The following APBA1 variants were observed in gnomAD, a reference collection of about 807,000 sequenced individuals.
APBA1 encodes the protein amyloid-beta A4 precursor protein-binding family A member 1.
APBA1 carries 55 observed loss-of-function variants against 86.6 expected under a neutral mutation model. The ratio of observed to expected loss-of-function variants is 0.64; its 90% CI spans 0.51 to 0.80. APBA1 has a LOEUF of 0.80. APBA1 is among the 30% of genes least tolerant of loss of function. APBA1 has a pLI of 0.00. For missense variants in APBA1, 1,090 were observed against 1,183.0 expected (o/e 0.92, Z 1.15); for synonymous variants, 511 against 493.9 (o/e 1.03, Z -0.46).
intron 9 of APBA1, among the ~76,000 whole-genome samples, chr9:69,451,046 T>C (rs755990087): frequency 6.6e-6 from 1 of 152,238 alleles, no homozygotes; most frequent in Non-Finnish European, 1.5e-5. Context: ...ACCCAGTCCA[T>C]GGTACTTTGT....
chr9:69,521,304 A>C (rs908650571), intron 1 of APBA1, among the ~76,000 whole-genome samples: 1 of 152,206 alleles, frequency 6.6e-6, no homozygotes, highest in Non-Finnish European at 1.5e-5. Flanking sequence ...CGCACCCTGC[A>C]TTCTAACAGC....
chr9:69,495,535 C>T (rs1835780501), intron 2 of APBA1, among the ~76,000 whole-genome samples: 1 of 152,060 alleles, frequency 6.6e-6, no homozygotes, highest in Non-Finnish European at 1.5e-5. Context: ...ATGTGACCAC[C>T]TCCCAGGGTG....
rs776865087 is a variant in APBA1 at position 69,432,630 on chromosome 9, C to T, written c.2348G>A (p.Arg783His). Residue 783 changes from arginine to histidine, a missense_variant, in exon 12 of 13, where the codon CGT (arginine) becomes CAT (histidine). Coordinates refer to ENST00000265381, the MANE Select transcript of APBA1 (RefSeq NM_001163.4). ...RGGIAERGGVRVGHRIIEING... is the reference protein window; with the variant it reads ...RGGIAERGGVHVGHRIIEING... ...GATTTCAATGATCCGGTGCCCCACA[C>T]GGACGCCTCCTCTCTCAGCTATTCC... is the stretch of plus-strand genomic sequence containing the variant. 3.7e-6 allele frequency: 6 copies of T among 1,604,776 alleles called. No homozygotes were observed. The highest frequency in any genetic ancestry group is 1.1e-5 in the South Asian group (1 of 89,818).
intron 1 of APBA1, among the ~76,000 whole-genome samples, chr9:69,621,601 A>T (rs1054425439): frequency 1.3e-5 from 2 of 152,208 alleles, no homozygotes; most frequent in Middle Eastern, 3.2e-3. Flanking sequence ...TTTGTGCCTC[A>T]GTTTCCACAT....
chr9:69,435,257 G>A (rs1440478645), intron 11 of APBA1, among the ~76,000 whole-genome samples: 27 of 152,074 alleles, frequency 1.8e-4, no homozygotes, highest in African/African-American at 5.6e-4. Flanking sequence ...ATAAACATAC[G>A]TGTGCATGTG....
chr9:69,495,858 G>A (rs1835786347), intron 2 of APBA1, among the ~76,000 whole-genome samples: 1 of 152,166 alleles, frequency 6.6e-6, no homozygotes, highest in East Asian at 1.9e-4. Flanking sequence ...TGCGAGCCTG[G>A]AGGACACTGA....
intron 10 of APBA1, among the ~76,000 whole-genome samples, chr9:69,448,557 G>T (rs1033683320): frequency 2.0e-5 from 3 of 152,126 alleles, no homozygotes; most frequent in Non-Finnish European, 4.4e-5. Context: ...CACCATCCAT[G>T]TGTCCTATAC....
intron 1 of APBA1, among the ~76,000 whole-genome samples, chr9:69,595,015 C>T (rs1437175946): frequency 6.6e-6 from 1 of 151,954 alleles, no homozygotes; most frequent in African/African-American, 2.4e-5. Context: ...AAGATTGGCA[C>T]AAAGTAAACC....
At chr9:69,545,068 C>T (rs1836676261) in intron 1 of APBA1, among the ~76,000 whole-genome samples, 1 of 152,264 alleles carries the variant, frequency 6.6e-6, no homozygotes, top group African/African-American at 2.4e-5. Context: ...GTAGACCCCT[C>T]ACCCAGAATA....
chr9:69,604,803 G>A (rs530836290), intron 1 of APBA1, among the ~76,000 whole-genome samples: 94 of 149,740 alleles, frequency 6.3e-4, no homozygotes, highest in African/African-American at 2.3e-3. Flanking sequence ...AGGGTAAGTG[G>A]AGAGGCACAT....
intron 1 of APBA1, among the ~76,000 whole-genome samples, chr9:69,578,513 T>C (rs940542661): frequency 2.0e-5 from 3 of 152,202 alleles, no homozygotes; most frequent in Non-Finnish European, 4.4e-5. Flanking sequence ...AAAAGGGGCT[T>C]TGAGGTGGCA....
intron 1 of APBA1, among the ~76,000 whole-genome samples, chr9:69,572,772 T>C (rs1287160899): frequency 5.3e-5 from 8 of 152,220 alleles, no homozygotes; most frequent in Non-Finnish European, 1.5e-5. Flanking sequence ...CCATCCTGAA[T>C]GCTTATTTAC....
At chr9:69,587,435 T>C (rs943805003) in intron 1 of APBA1, among the ~76,000 whole-genome samples, 10 of 152,190 alleles carry the variant, frequency 6.6e-5, no homozygotes, top group Non-Finnish European at 1.3e-4. Flanking sequence ...ATTGGTGTCA[T>C]TGGTGTATCT....
intron 11 of APBA1, among the ~76,000 whole-genome samples, chr9:69,439,297 T>C (rs565884914): frequency 5.5e-4 from 80 of 146,638 alleles, no homozygotes; most frequent in South Asian, 4.6e-4. Context: ...TGGCGTTCTC[T>C]GTATTTCCTG....
intron 1 of APBA1, among the ~76,000 whole-genome samples, chr9:69,599,631 A>C (rs2133972342): frequency 6.6e-6 from 1 of 152,306 alleles, no homozygotes; most frequent in African/African-American, 2.4e-5. Context: ...AAATTCTCTG[A>C]AACAGTGGTT....
At chr9:69,545,707 T>C (rs1387141006) in intron 1 of APBA1, among the ~76,000 whole-genome samples, 1 of 152,340 alleles carries the variant, frequency 6.6e-6, no homozygotes, top group Admixed American at 6.5e-5. Flanking sequence ...AAAATGCACA[T>C]ATGTAAGAAG....
At chr9:69,542,658 T>C (rs761112337) in intron 1 of APBA1, among the ~76,000 whole-genome samples, 36 of 152,306 alleles carry the variant, frequency 2.4e-4, no homozygotes, top group South Asian at 2.1e-3. Flanking sequence ...GATTGTTAGA[T>C]TGTGTGTATG....
chr9:69,503,159 G>A (rs1181918701), intron 2 of APBA1, among the ~76,000 whole-genome samples: 1 of 152,086 alleles, frequency 6.6e-6, no homozygotes, highest in Non-Finnish European at 1.5e-5. Context: ...CTTTCTCTGT[G>A]TTTCCAGGAA....
At chr9:69,614,861 T>C (rs373939133) in intron 1 of APBA1, among the ~76,000 whole-genome samples, 14 of 152,326 alleles carry the variant, frequency 9.2e-5, no homozygotes, top group African/African-American at 3.1e-4. Flanking sequence ...TGAAATATTG[T>C]TAGTTCTTTA....
Sources: allele counts gnomAD v4.1 joint callset (sites outside exome capture counted in the v4.1 genomes callset), GRCh38; gene constraint gnomAD v4.1.1; transcripts MANE v1.5; gene names NCBI Gene and HGNC (gene_info 2026-07-23, HGNC 2026-07-21).